Variants in APOL1 observed in about 807,000 individuals in gnomAD.
APOL1 encodes the protein apolipoprotein L1.
Under a neutral mutation model 14.9 loss-of-function variants are expected in APOL1, and 17 were observed. The observed-to-expected ratio is 1.14, with a 90% CI of 0.78 to 1.71. The LOEUF (loss-of-function observed/expected upper bound fraction) is 1.71, where lower values mean the gene tolerates loss of function less well. APOL1 is among the 40% of genes most tolerant of loss of function. The probability of loss-of-function intolerance (pLI) is 0.00; values close to 1 mark genes in which losing one functional copy is unlikely to be tolerated. For missense variants in APOL1, 523 were observed against 485.9 expected, an observed-to-expected ratio of 1.08 and a Z score of -0.72; for synonymous variants, 195 against 184.8, an observed-to-expected ratio of 1.05 and a Z score of -0.45.
chr22:36,254,785 C>T, intron 1 of APOL1, 152 bp from the exon 2 acceptor site: 1 of 929,576 alleles, frequency 1.1e-6, no homozygotes, highest in East Asian at 3.0e-5. Flanking sequence ...ATGGCGTGAA[C>T]CCGGGAGGCA....
At chr22:36,255,130 C>T (rs1250975389) in intron 2 of APOL1, 131 bp downstream of exon 2, 1 of 1,142,630 alleles carries the variant, frequency 8.8e-7, no homozygotes, top group Non-Finnish European at 1.3e-6. Flanking sequence ...CCGGAATTGA[C>T]CAACCGGCAG....
In APOL1 at chr22:36,265,907, G is replaced by A; in HGVS notation, c.1071G>A (p.Lys357=). 1 of 1,614,170 alleles carries A rather than the reference G, an allele frequency of 6.2e-7. No individual in the cohort carries two copies. The highest frequency in any genetic ancestry group is 1.1e-5 in the South Asian group (1 of 91,080). The change falls in exon 6 of 6, where the codon AAG becomes AAA. Residue 357 remains lysine (K), a synonymous_variant. Coordinates refer to ENST00000397278, the MANE Select transcript of APOL1 (RefSeq NM_003661.4). ...LDVVYLVYES[K]HLHEGAKSET... ...TAGTCTACCTCGTGTACGAATCAAA[G>A]CACTTACATGAGGGGGCAAAGTCAG...
chr22:36,253,581 T>C (rs531644656), intron 1 of APOL1, among the ~76,000 whole-genome samples: 5 of 152,328 alleles, frequency 3.3e-5, no homozygotes, highest in South Asian at 4.1e-4. Flanking sequence ...CCTGTTCTTA[T>C]GGCCAGGCCA....
At chr22:36,254,086 T>G in intron 1 of APOL1, 2 of 1,472,606 alleles carry the variant, frequency 1.4e-6, no homozygotes, top group Non-Finnish European at 1.9e-6. Flanking sequence ...TCAAACATTT[T>G]TGCTTCAATA....
chr22:36,265,478 G>T lies in APOL1; in HGVS notation c.642G>T (p.Leu214Phe), dbSNP rs1460591895. ...SLVLLEPGME[L>F]GITAALTGIT... ...TACTCTTGGAACCTGGGATGGAGTT[G>T]GGAATCACAGCCGCTTTGACCGGGA... The change falls in exon 6 of 6, where the codon TTG becomes TTT. Residue 214 changes from leucine (L) to phenylalanine (F), a missense_variant. Transcript: ENST00000397278. 6.2e-7 allele frequency: 1 copy of T among 1,614,096 alleles called. No homozygotes were observed. The highest frequency in any genetic ancestry group is 8.5e-7 in the Non-Finnish European group (1 of 1,180,006).
intron 4 of APOL1, among the ~76,000 whole-genome samples, chr22:36,260,313 T>C (rs1463251308): frequency 6.6e-6 from 1 of 152,150 alleles, no homozygotes; most frequent in Non-Finnish European, 1.5e-5. Flanking sequence ...GAGAATGGCA[T>C]GAACCCAGGA....
Position 36,266,677 on chromosome 22 carries a change from G to A in APOL1, c.*644G>A, listed in dbSNP as rs187937779. 14,632 of 377,098 alleles carry A rather than the reference G, an allele frequency of 0.039. 395 individuals carry two copies. The highest frequency in any genetic ancestry group is 0.091 in the Admixed American group (1,996 of 22,054). 23.4% of individuals were successfully genotyped at this position (377,098 alleles called of 1,614,324 possible). ...TCCGAGCACTTTGGGAGGCCAAGGC[G>A]GGCGGATCACGAGGTCAGGAGATCG... On this transcript the variant is annotated 3_prime_UTR_variant, in exon 6 of 6. Coordinates refer to ENST00000397278, the MANE Select transcript of APOL1 (RefSeq NM_003661.4).
Position 36,267,174 on chromosome 22 carries a change from G to C in APOL1, c.*1141G>C, listed in dbSNP as rs9622364. 6.6e-6 allele frequency: 1 copy of C among 152,426 alleles called. No homozygotes were observed. Among genetic ancestry groups the C allele is most frequent in the African/African-American group, 2.4e-5 (1 of 41,436 alleles). The allele number at this position is 152,426 out of a possible 1,614,324, so 9.4% of individuals were successfully genotyped here. ...CTTGTCCTCCTGGGGGCATATCTCA[G>C]TCAGGCAGCGGCTTCCTGATGATGG... On this transcript the variant is annotated 3_prime_UTR_variant, in exon 6 of 6. Transcript: ENST00000397278.
intron 1 of APOL1, 82 bp downstream of exon 1, chr22:36,253,301 C>T (rs542767710): frequency 3.6e-6 from 1 of 281,330 alleles, no homozygotes; most frequent in African/African-American, 2.3e-5. Context: ...GTGACTGGTT[C>T]AGATAGACAG....
chr22:36,259,585 C>T (rs541320254), intron 4 of APOL1: 2 of 1,223,682 alleles, frequency 1.6e-6, no homozygotes, highest in South Asian at 2.9e-5. Flanking sequence ...CTCAGCCGAC[C>T]CCGGAATCCT....
At chr22:36,259,837 G>A (rs1485691427) in intron 4 of APOL1, 1 of 1,304,268 alleles carries the variant, frequency 7.7e-7, no homozygotes, top group East Asian at 5.6e-5. Flanking sequence ...AAGACCAGCA[G>A]GAGGAATCTC....
At chr22:36,259,379 C>T (rs549832247) in intron 4 of APOL1, among the ~76,000 whole-genome samples, 1 of 152,290 alleles carries the variant, frequency 6.6e-6, no homozygotes, top group South Asian at 2.1e-4. Flanking sequence ...AAAAACAAGA[C>T]AATCGCTCGC....
chr22:36,259,022 T>C (rs778748087), intron 4 of APOL1, among the ~76,000 whole-genome samples: 1 of 152,220 alleles, frequency 6.6e-6, no homozygotes, highest in African/African-American at 2.4e-5. Context: ...GTCTGTCATG[T>C]GAACCTGCTG....
At chr22:36,264,255 C>T (rs182095267) in intron 5 of APOL1, among the ~76,000 whole-genome samples, 38 of 152,282 alleles carry the variant, frequency 2.5e-4, no homozygotes, top group African/African-American at 7.0e-4. Context: ...CTTTAGTCCC[C>T]GGGTCCTCTG....
intron 4 of APOL1, among the ~76,000 whole-genome samples, chr22:36,258,157 C>A (rs534022857): frequency 2.6e-5 from 4 of 152,176 alleles, no homozygotes; most frequent in South Asian, 2.1e-4. Flanking sequence ...CGTCCCCCCC[C>A]AGCTGTGTTA....
At chr22:36,265,057 C>T (rs533869062) in intron 5 of APOL1, 94 bp from the exon 6 acceptor site, 60 of 1,476,644 alleles carry the variant, frequency 4.1e-5, no homozygotes, top group Admixed American at 7.9e-5. Context: ...GTGATCCACC[C>T]GCCTTGGCCT....
intron 2 of APOL1, among the ~76,000 whole-genome samples, chr22:36,256,488 A>G (rs1260962591): frequency 2.0e-5 from 3 of 152,238 alleles, no homozygotes; most frequent in Non-Finnish European, 4.4e-5. Context: ...CAGAGGGGAC[A>G]GGGCAGCACC....
chr22:36,260,663 T>G lies in APOL1; in HGVS notation c.188-933T>G, dbSNP rs150017476. The stretch of plus-strand genomic sequence containing the variant: ...TTCACTGTTGAAACATGTGTGGGTG[T>G]GATTACAGGGAGCAGTCCAGCCTCT... On this transcript the variant is annotated intron_variant, in intron 4 of 5. Coordinates refer to ENST00000397278, the MANE Select transcript of APOL1 (RefSeq NM_003661.4). 2.3e-4 allele frequency among the ~76,000 whole-genome samples: 35 copies of G among 152,308 alleles called. 1 individual carries two copies. Among genetic ancestry groups the G allele is most frequent in the Admixed American group, 7.8e-4 (12 of 15,300 alleles).
rs1476051685 is a variant in APOL1, at chr22:36,261,628, T to C, written c.220T>C (p.Tyr74His). The C allele has an allele frequency of 1.9e-5, 31 of 1,613,768 alleles. No individual in the cohort carries two copies. The highest frequency in any genetic ancestry group is 2.5e-5 in the Non-Finnish European group (29 of 1,179,810). Residue 74 changes from tyrosine to histidine, a missense_variant, in exon 5 of 6, where the codon TAT (tyrosine) becomes CAT (histidine). Coordinates refer to ENST00000397278, the MANE Select transcript of APOL1 (RefSeq NM_003661.4). ...SSIFIEDAIKYFKEKVSTQNL... is the reference protein window; with the variant it reads ...SSIFIEDAIKHFKEKVSTQNL... The stretch of plus-strand genomic sequence containing the variant: ...TATCTTTATTGAGGATGCCATTAAG[T>C]ATTTCAAGGAAAAAGTGAGCACACA...
Sources: allele counts gnomAD v4.1 joint callset (sites outside exome capture counted in the v4.1 genomes callset), GRCh38; gene constraint gnomAD v4.1.1; transcripts MANE v1.5; gene names NCBI Gene and HGNC (gene_info 2026-07-23, HGNC 2026-07-21).